BCLAF3: variants seen among roughly 807,000 people sequenced by gnomAD.
The protein encoded by BCLAF3 is transient octamer binding factor 1.
BCLAF3 carries 24 observed loss-of-function variants against 51.2 expected under a neutral mutation model. That is an observed-to-expected ratio of 0.47 (90% CI 0.34 to 0.66). The LOEUF (loss-of-function observed/expected upper bound fraction) is 0.66. Among genes scored for constraint, BCLAF3 ranks in the 30% least tolerant of loss-of-function variants. The pLI is 0.01. For missense variants in BCLAF3, 465 were observed against 525.1 expected (o/e 0.89, Z 1.12); for synonymous variants, 152 against 176.6 (o/e 0.86, Z 1.10).
chrX:19,976,750 A>G (rs917927374), intron 1 of BCLAF3, among the ~76,000 whole-genome samples: 1 of 112,061 alleles, frequency 8.9e-6, no homozygotes, highest in African/African-American at 3.2e-5. Context: ...AAGCAAAAGG[A>G]AACAGTAAGT....
intron 2 of BCLAF3, among the ~76,000 whole-genome samples, chrX:19,969,318 T>C (rs1224503130): frequency 8.9e-6 from 1 of 111,960 alleles, no homozygotes; most frequent in African/African-American, 3.2e-5. Flanking sequence ...GCAAGTTATC[T>C]TAACATGAAA....
At chrX:19,969,147 T>C (rs2072172106) in intron 2 of BCLAF3, among the ~76,000 whole-genome samples, 1 of 112,097 alleles carries the variant, frequency 8.9e-6, no homozygotes, top group Non-Finnish European at 1.9e-5. Context: ...TAAAAATAAA[T>C]GACCTCTGTG....
In BCLAF3 at chrX:19,966,910, T is replaced by C. The variant is rs962671420; in HGVS notation, c.42-261A>G. 4.5e-5 allele frequency among the ~76,000 whole-genome samples: 5 copies of C among 111,053 alleles called. No homozygotes were observed. In the East Asian group the frequency reaches 1.4e-3, roughly 31 times the overall value. On this transcript the variant is annotated intron_variant, in intron 2 of 11. Coordinates refer to ENST00000379682, the MANE Select transcript of BCLAF3 (RefSeq NM_001367774.2). ...AAATGAGCTGAGCACACCTGTCCCATTGGAGGAGGGCCAGCTTAGGTGCAC... is the reference window on the plus strand; with the variant it reads ...AAATGAGCTGAGCACACCTGTCCCACTGGAGGAGGGCCAGCTTAGGTGCAC...
At chrX:19,975,127 C>T (rs1487521937) in intron 1 of BCLAF3, among the ~76,000 whole-genome samples, 1 of 110,052 alleles carries the variant, frequency 9.1e-6, no homozygotes, top group Non-Finnish European at 1.9e-5. Context: ...TTTGCAATTG[C>T]TTAGTGGGCA....
chrX:19,976,032 C>T (rs1367568276), intron 1 of BCLAF3, among the ~76,000 whole-genome samples: 1 of 111,481 alleles, frequency 9.0e-6, no homozygotes, highest in Non-Finnish European at 1.9e-5. Context: ...TTTAAATATC[C>T]TCTATAAACT....
chrX:19,970,134 T>G, intron 2 of BCLAF3, 90 bp downstream of exon 2: 1 of 726,005 alleles, frequency 1.4e-6, no homozygotes, highest in African/African-American at 2.1e-5. Context: ...AATAACCAGG[T>G]CCCATGAGCT....
intron 1 of BCLAF3, among the ~76,000 whole-genome samples, chrX:19,980,764 C>T (rs1310023678): frequency 9.1e-6 from 1 of 109,454 alleles, no homozygotes; most frequent in African/African-American, 3.3e-5. Flanking sequence ...ATGGTGAAAC[C>T]CCATCTCTAC....
At chrX:19,944,044 C>T (rs2071155264) in intron 8 of BCLAF3, among the ~76,000 whole-genome samples, 1 of 66,441 alleles carries the variant, frequency 1.5e-5, no homozygotes, top group Non-Finnish European at 2.7e-5. Flanking sequence ...TTCTTTGTCT[C>T]TTTTGATCTT....
intron 1 of BCLAF3, among the ~76,000 whole-genome samples, chrX:19,976,860 G>A (rs2072441882): frequency 8.9e-6 from 1 of 111,800 alleles, no homozygotes; most frequent in South Asian, 3.8e-4. Flanking sequence ...CAGGGTTTGT[G>A]GCAAACCTGC....
chrX:19,946,904 A>T lies in BCLAF3; in HGVS notation c.1745+3849T>A, dbSNP rs972121969. ...GTACTCCATGATCACCCTAAATAAAACCATATCACACATGTCACTCTTTGC... is the reference window on the plus strand; with the variant it reads ...GTACTCCATGATCACCCTAAATAAATCCATATCACACATGTCACTCTTTGC... On this transcript the variant is annotated intron_variant, in intron 8 of 11. Transcript: ENST00000379682. Among the ~76,000 whole-genome samples, 4 of 111,826 alleles carry T rather than the reference A, an allele frequency of 3.6e-5. No individual in the cohort carries two copies. In the Admixed American group the frequency reaches 3.8e-4, roughly 11 times the overall value.
chrX:19,941,045 G>GT (rs2147818336), intron 8 of BCLAF3, among the ~76,000 whole-genome samples: 1 of 110,589 alleles, frequency 9.0e-6, no homozygotes, highest in East Asian at 2.8e-4. Flanking sequence ...TTTTTCATGT[G>GT]TTTTTTGGCT....
intron 4 of BCLAF3, among the ~76,000 whole-genome samples, chrX:19,961,443 A>G (rs1318497770): frequency 4.5e-5 from 5 of 112,278 alleles, no homozygotes; most frequent in Non-Finnish European, 7.5e-5. Context: ...TGACAATTGG[A>G]AGAACAAATA....
At chrX:19,966,770 C>G in intron 2 of BCLAF3, 121 bp from the exon 3 acceptor site, 1 of 554,670 alleles carries the variant, frequency 1.8e-6, no homozygotes, top group Non-Finnish European at 2.8e-6. Context: ...AAACTAAATT[C>G]ATCAATTTGC....
rs745557817 is a variant in BCLAF3, at chrX:19,955,558, G to C, written c.1283C>G (p.Ser428Cys). 1.9e-5 allele frequency: 23 copies of C among 1,181,423 alleles called. No individual in the cohort carries two copies. The highest frequency in any genetic ancestry group is 2.6e-5 in the Non-Finnish European group (23 of 884,633). Residue 428 changes from serine to cysteine, a missense_variant, in exon 5 of 12, where the codon TCT becomes TGT. Coordinates refer to ENST00000379682, the MANE Select transcript of BCLAF3 (RefSeq NM_001367774.2). Reference protein sequence around the residue: ...KKTVDTFRVASSYSTERQMSH... With the variant: ...KKTVDTFRVACSYSTERQMSH... ...CATCTGTCTCTCTGTGGAATAGCTA[G>C]AAGCAACCCTAGAATAATTTGCAAA...
chrX:19,975,516 G>T (rs1283062496), intron 1 of BCLAF3, among the ~76,000 whole-genome samples: 1 of 110,654 alleles, frequency 9.0e-6, no homozygotes, highest in Non-Finnish European at 1.9e-5. Context: ...ACTAATCTTT[G>T]TACTTTCAGT....
chrX:19,973,169 G>A (rs1471012656), intron 1 of BCLAF3, among the ~76,000 whole-genome samples: 1 of 111,611 alleles, frequency 9.0e-6, no homozygotes, highest in Non-Finnish European at 1.9e-5. Context: ...CCATCCTAGT[G>A]GGTATGAAGT....
intron 1 of BCLAF3, among the ~76,000 whole-genome samples, chrX:19,977,188 A>G (rs1003849867): frequency 4.5e-5 from 5 of 111,490 alleles, no homozygotes; most frequent in Admixed American, 9.6e-5. Context: ...TAATCCTAAA[A>G]TGGCCTCTAA....
intron 11 of BCLAF3, among the ~76,000 whole-genome samples, chrX:19,926,199 A>G (rs1265606669): frequency 1.8e-5 from 2 of 109,964 alleles, no homozygotes; most frequent in East Asian, 5.6e-4. Context: ...ACACTAATTT[A>G]AAAAAAAATC....
At position 19,948,222 on chromosome X, in the gene BCLAF3, C is replaced by T. The variant is rs186262966; in HGVS notation, c.1745+2531G>A. The stretch of plus-strand genomic sequence containing the variant: ...GCTATATACTGAAGAGAAACGAAAA[C>T]AGGTATCTGCACAAAAACTTGCACA... On this transcript the variant is annotated intron_variant, in intron 8 of 11. Transcript: ENST00000379682. 1.8e-4 allele frequency among the ~76,000 whole-genome samples: 20 copies of T among 111,869 alleles called. No individual in the cohort carries two copies. The East Asian group carries it at 3.1e-3, about 17-fold the overall frequency.
Sources: allele counts gnomAD v4.1 joint callset (sites outside exome capture counted in the v4.1 genomes callset), GRCh38; gene constraint gnomAD v4.1.1; transcripts MANE v1.5; gene names NCBI Gene and HGNC (gene_info 2026-07-23, HGNC 2026-07-21).